Variants in IQANK1 observed in about 807,000 individuals in gnomAD.
IQANK1 encodes the protein IQ motif and ankyrin repeat domain-containing protein 1.
A neutral mutation model predicts 22.6 loss-of-function variants in IQANK1; 30 were observed. The observed-to-expected ratio is 1.33, with a 90% CI of 0.99 to 1.80. IQANK1 has a LOEUF of 1.80. Ranked by LOEUF, IQANK1 falls within the 40% of genes most tolerant of loss-of-function variation. The probability of loss-of-function intolerance (pLI) is 0.00; values close to 1 mark genes in which losing one functional copy is unlikely to be tolerated. For missense variants in IQANK1, 275 were observed against 235.2 expected, an observed-to-expected ratio of 1.17 and a Z score of -1.11; for synonymous variants, 122 against 99.6, an observed-to-expected ratio of 1.23 and a Z score of -1.34.
intron 2 of IQANK1, among the ~76,000 whole-genome samples, chr8:143,738,268 C>T (rs782195766): frequency 6.6e-6 from 1 of 152,208 alleles, no homozygotes; most frequent in Non-Finnish European, 1.5e-5. Flanking sequence ...CACCAGGTGT[C>T]TGCTCCCCAG....
At chr8:143,787,798 C>A (rs1241466679) in intron 7 of IQANK1, among the ~76,000 whole-genome samples, 1 of 152,192 alleles carries the variant, frequency 6.6e-6, no homozygotes, top group African/African-American at 2.4e-5. Context: ...CCACAAACCC[C>A]TTGCTCTGTG....
intron 7 of IQANK1, among the ~76,000 whole-genome samples, chr8:143,784,789 G>C (rs1306285230): frequency 2.6e-5 from 4 of 152,088 alleles, no homozygotes; most frequent in Admixed American, 1.3e-4. Context: ...CTAGTCATTT[G>C]GCTCCACCAA....
Position 143,789,499 on chromosome 8 carries a change from T to A in IQANK1, c.1057T>A (p.Cys353Ser). The part of the protein sequence containing the change: ...ISEHDQCEWR[C>S]MDKTKLTLQA... ...AGAGCACGACCAGTGTGAGTGGAGG[T>A]GCATGGACAAGACCAAGCTCACGCT... The change falls in exon 10 of 14, where the codon TGC becomes AGC. Residue 353 changes from cysteine to serine, a missense_variant. By Grantham distance (112) the Cys-to-Ser change is moderately radical. Transcript: ENST00000527139. The A allele has an allele frequency of 8.1e-7, 1 of 1,232,042 alleles. No individual in the cohort carries two copies. The highest frequency in any genetic ancestry group is 1.0e-6 in the Non-Finnish European group (1 of 988,120). The allele number at this position is 1,232,042 out of a possible 1,614,324, so 76.3% of individuals were successfully genotyped here.
intron 7 of IQANK1, among the ~76,000 whole-genome samples, chr8:143,775,983 A>G (rs1554630354): frequency 1.3e-5 from 2 of 151,976 alleles, no homozygotes; most frequent in Non-Finnish European, 2.9e-5. Flanking sequence ...AGAGAAAGAG[A>G]AGGTTGAAAA....
chr8:143,736,141 A>ATTTTT (rs555506417), intron 2 of IQANK1, among the ~76,000 whole-genome samples: 3 of 137,056 alleles, frequency 2.2e-5, no homozygotes, highest in Admixed American at 7.3e-5. Flanking sequence ...GCCTGAATCT[A>ATTTTT]TTTTTTTTTT....
chr8:143,780,110 C>T (rs987319442), intron 7 of IQANK1, among the ~76,000 whole-genome samples: 1 of 152,014 alleles, frequency 6.6e-6, no homozygotes, highest in South Asian at 2.1e-4. Flanking sequence ...AATAAAGTAT[C>T]GCCAGAACAC....
In IQANK1 at chr8:143,757,889, G is replaced by A. The variant is rs1050886792; in HGVS notation, c.176-13599G>A. ...AACTTCACTGACATTGTAGGACCCT[G>A]AATTTTCATGGCTTGCATGAAAATG... On this transcript the variant is annotated intron_variant, in intron 3 of 13. Coordinates refer to ENST00000527139, the MANE Select transcript of IQANK1 (RefSeq NM_001381874.1). Among the ~76,000 whole-genome samples the A allele has an allele frequency of 4.2e-4, 64 of 152,296 alleles. 1 individual carries two copies. Among genetic ancestry groups the A allele is most frequent in the African/African-American group, 1.5e-3 (62 of 41,556 alleles).
At chr8:143,780,440 A>G (rs1239995552) in intron 7 of IQANK1, among the ~76,000 whole-genome samples, 1 of 152,152 alleles carries the variant, frequency 6.6e-6, no homozygotes, top group Non-Finnish European at 1.5e-5. Flanking sequence ...AACTAAGCCC[A>G]GTACCCAATA....
At chr8:143,764,131 T>C (rs747472407) in intron 3 of IQANK1, among the ~76,000 whole-genome samples, 1 of 151,926 alleles carries the variant, frequency 6.6e-6, no homozygotes, top group Non-Finnish European at 1.5e-5. Context: ...AAACATTGTG[T>C]GGAGGGCCCG....
At chr8:143,773,726 C>A (rs1819630744) in intron 7 of IQANK1, among the ~76,000 whole-genome samples, 1 of 152,180 alleles carries the variant, frequency 6.6e-6, no homozygotes, top group African/African-American at 2.4e-5. Context: ...CTGTCCTGCC[C>A]CTCTCTTCTT....
chr8:143,775,584 C>T (rs540445878), intron 7 of IQANK1, among the ~76,000 whole-genome samples: 1 of 151,936 alleles, frequency 6.6e-6, no homozygotes, highest in East Asian at 1.9e-4. Flanking sequence ...CATGGTGAAA[C>T]CCCATCTCTA....
At chr8:143,751,131 C>T (rs1554627986) in intron 3 of IQANK1, among the ~76,000 whole-genome samples, 1 of 152,130 alleles carries the variant, frequency 6.6e-6, no homozygotes, top group African/African-American at 2.4e-5. Flanking sequence ...AAACTCTGTT[C>T]CTTTACAGCT....
intron 2 of IQANK1, among the ~76,000 whole-genome samples, chr8:143,737,102 C>T (rs1818760355): frequency 6.6e-6 from 1 of 152,218 alleles, no homozygotes; most frequent in Non-Finnish European, 1.5e-5. Flanking sequence ...ATAGCCCCAG[C>T]TGCGTCTGAG....
In IQANK1 at chr8:143,737,059, C is replaced by T. The variant is rs117615544; in HGVS notation, c.85+1121C>T. On this transcript the variant is annotated intron_variant, in intron 2 of 13. Transcript: ENST00000527139. The stretch of plus-strand genomic sequence containing the variant: ...TGGGATGATGGTGACCGCTCCTCCA[C>T]GCCAGGCTGGGGTTAGATCCTAGTT... Among the ~76,000 whole-genome samples, 79 of 152,290 alleles carry T rather than the reference C, an allele frequency of 5.2e-4. 1 individual carries two copies. In the East Asian group the frequency reaches 0.014, roughly 27 times the overall value.
chr8:143,738,659 G>A (rs1818809172), intron 2 of IQANK1, among the ~76,000 whole-genome samples: 2 of 152,230 alleles, frequency 1.3e-5, no homozygotes, highest in African/African-American at 4.8e-5. Flanking sequence ...GCAGCAACGG[G>A]CGTGCCTGGT....
At chr8:143,772,672 G>T (rs540773587) in intron 7 of IQANK1, among the ~76,000 whole-genome samples, 190 bp downstream of exon 7, 91 of 152,294 alleles carry the variant, frequency 6.0e-4, no homozygotes, top group African/African-American at 2.1e-3. Flanking sequence ...TGCTAGAGCG[G>T]TTTCCTAGCC....
In IQANK1 at chr8:143,790,492, G is replaced by C; in HGVS notation, c.1567G>C (p.Glu523Gln). ...TGAGTATAGCCCCACGCAGTTCCAG[G>C]AGCAGCGGCTGGAGCACTTCCGCCT... ...GPEYSPTQFQEQRLEHFRLFF... is the reference protein window; with the variant it reads ...GPEYSPTQFQQQRLEHFRLFF... Residue 523 changes from glutamate to glutamine, a missense_variant, in exon 14 of 14, where the codon GAG becomes CAG. Physicochemically the swap from Glu to Gln is conservative, Grantham distance 29. Transcript: ENST00000527139. 2.4e-6 allele frequency: 1 copy of C among 412,156 alleles called. No individual in the cohort carries two copies. The highest frequency in any genetic ancestry group is 4.2e-6 in the Non-Finnish European group (1 of 238,188). 25.5% of individuals were successfully genotyped at this position (412,156 alleles called of 1,614,324 possible). A position where few individuals can be genotyped will look rare whatever the true frequency, so the allele number is the denominator to read the frequency against.
intron 2 of IQANK1, chr8:143,739,522 G>T (rs548242936): frequency 2.1e-4 from 56 of 268,256 alleles, no homozygotes; most frequent in Admixed American, 6.6e-4. Flanking sequence ...CAGTGTCAGG[G>T]GTGGGGCAGG....
Position 143,735,539 on chromosome 8 carries a change from A to G in IQANK1, c.-4-311A>G, listed in dbSNP as rs1241738132. Among the ~76,000 whole-genome samples, 5 of 152,130 alleles carry G rather than the reference A, an allele frequency of 3.3e-5. No homozygotes were observed. The highest frequency in any genetic ancestry group is 1.2e-4 in the African/African-American group (5 of 41,404). On this transcript the variant is annotated intron_variant, in intron 1 of 13. Transcript: ENST00000527139. This position sits in a 1 kb window ranked among gnomAD's most constrained non-coding sequence, Gnocchi z 5.2. ...GGCAACCCAGCAGCTTGGGGCAGGG[A>G]GAAGAGTGCTAGACTCCAGATCCTG...
Sources: allele counts gnomAD v4.1 joint callset (sites outside exome capture counted in the v4.1 genomes callset), GRCh38; gene constraint gnomAD v4.1.1; non-coding constraint Gnocchi (gnomAD v3.1); transcripts MANE v1.5; gene names NCBI Gene and HGNC (gene_info 2026-07-23, HGNC 2026-07-21).